The following ANK1 variants were observed in gnomAD, a reference collection of about 807,000 sequenced individuals.
ANK1 encodes ankyrin 1, also known as ankyrin-1.
A neutral mutation model predicts 210.4 loss-of-function variants in ANK1; 51 were observed. The ratio of observed to expected loss-of-function variants is 0.24; its 90% CI spans 0.19 to 0.31. The LOEUF is 0.31. Among genes scored for constraint, ANK1 ranks in the 10% least tolerant of loss-of-function variants. The probability of loss-of-function intolerance (pLI) is 1.00; values close to 1 mark genes in which losing one functional copy is unlikely to be tolerated. For missense variants in ANK1, 2,051 were observed against 2,504.4 expected (o/e 0.82, Z 3.86); for synonymous variants, 967 against 1,025.9 (o/e 0.94, Z 1.10).
intron 1 of ANK1, among the ~76,000 whole-genome samples, chr8:41,880,375 C>T (rs115321332): frequency 1.2e-3 from 187 of 152,274 alleles, no homozygotes; most frequent in African/African-American, 4.1e-3. Context: ...TAATGGAACA[C>T]GGAAGAGGGA....
At position 41,688,609 on chromosome 8, in the gene ANK1, G is replaced by A. The variant is rs776216386; in HGVS notation, c.4105-20C>T. On this transcript the variant is annotated intron_variant, in intron 33 of 42. Coordinates refer to ENST00000289734, the MANE Select transcript of ANK1 (RefSeq NM_000037.4). ...ACTTCCCTGCAGAAGAAGAAAGGGT[G>A]CTTTGGGTTTTGGACTCTCCCCACC... The A allele has an allele frequency of 6.2e-7, 1 of 1,612,308 alleles. No individual in the cohort carries two copies. The highest frequency in any genetic ancestry group is 1.3e-5 in the African/African-American group (1 of 74,874).
At position 41,708,758 on chromosome 8, in the gene ANK1, T is replaced by A. The variant is rs371053762; in HGVS notation, c.1998+20A>T. On this transcript the variant is annotated intron_variant, in intron 17 of 42. Transcript: ENST00000289734. ...TTGTTATCCAGCACTCCAGGGCAGA[T>A]CCGAAGACACCATGCCTACCTTGTT... is the stretch of plus-strand genomic sequence containing the variant. 3 of 1,612,834 alleles carry A rather than the reference T, an allele frequency of 1.9e-6. No individual in the cohort carries two copies. The highest frequency in any genetic ancestry group is 1.1e-5 in the South Asian group (1 of 91,070).
chr8:41,810,388 G>C (rs761015581), intron 1 of ANK1, among the ~76,000 whole-genome samples: 1 of 152,202 alleles, frequency 6.6e-6, no homozygotes, highest in African/African-American at 2.4e-5. Context: ...CCCCCCAAAA[G>C]AGGGAAATCT....
At chr8:41,768,568 A>C (rs1380910817) in intron 1 of ANK1, among the ~76,000 whole-genome samples, 1 of 152,152 alleles carries the variant, frequency 6.6e-6, no homozygotes, top group African/African-American at 2.4e-5. Context: ...CAAGGTCACC[A>C]CTAGTAAATG....
intron 34 of ANK1, 56 bp from the exon 35 acceptor site, chr8:41,688,286 C>G: frequency 6.3e-7 from 1 of 1,579,424 alleles, no homozygotes; most frequent in Non-Finnish European, 8.7e-7. Context: ...AGTTGACAGG[C>G]CTGAGGACAC....
intron 1 of ANK1, among the ~76,000 whole-genome samples, chr8:41,825,062 C>T (rs531001630): frequency 2.6e-5 from 4 of 152,338 alleles, no homozygotes; most frequent in East Asian, 1.9e-4. Context: ...GGCCCCTGAG[C>T]GTGGAGGCCA....
chr8:41,725,838 T>C lies in ANK1; in HGVS notation c.535A>G (p.Ile179Val). ...KGKVRLPALH[I>V]AARNDDTRTA... The stretch of plus-strand genomic sequence containing the variant: ...CGCGTGTCGTCGTTGCGGGCCGCGA[T>C]GTGCAGGGCCGGGAGGCGCACCTTC... Residue 179 changes from isoleucine (I) to valine (V), a missense_variant, in exon 6 of 43, where the codon ATC becomes GTC. Ile to Val is a conservative substitution (Grantham distance 29). Coordinates refer to ENST00000289734, the MANE Select transcript of ANK1 (RefSeq NM_000037.4). 6.2e-7 allele frequency: 1 copy of C among 1,612,098 alleles called. No individual in the cohort carries two copies. The highest frequency in any genetic ancestry group is 8.5e-7 in the Non-Finnish European group (1 of 1,179,626).
chr8:41,804,291 T>G (rs1850602025), intron 1 of ANK1, among the ~76,000 whole-genome samples: 1 of 152,132 alleles, frequency 6.6e-6, no homozygotes, highest in Admixed American at 6.6e-5. Flanking sequence ...TTTCCCAGGG[T>G]GACCCAAGAG....
At chr8:41,828,207 A>C (rs894876724) in intron 1 of ANK1, 2 of 152,414 alleles carry the variant, frequency 1.3e-5, no homozygotes, top group African/African-American at 4.8e-5. Context: ...GCTGCGAGCT[A>C]GAGGAGGAAG....
intron 2 of ANK1, among the ~76,000 whole-genome samples, chr8:41,753,776 C>T (rs911883594): frequency 6.6e-5 from 10 of 151,996 alleles, no homozygotes; most frequent in Admixed American, 4.6e-4. Flanking sequence ...TGACTCTCGC[C>T]CCTACCTGTA....
At chr8:41,893,860 A>G (rs999773691) in intron 1 of ANK1, among the ~76,000 whole-genome samples, 2 of 152,192 alleles carry the variant, frequency 1.3e-5, no homozygotes, top group Non-Finnish European at 2.9e-5. Flanking sequence ...TTCACCTTGA[A>G]AAATTATCTC....
chr8:41,849,628 C>T (rs1205260719), intron 1 of ANK1, among the ~76,000 whole-genome samples: 4 of 152,218 alleles, frequency 2.6e-5, no homozygotes, highest in Non-Finnish European at 5.9e-5. Context: ...GACAATGATC[C>T]CCTCGGATCC....
Position 41,797,361 on chromosome 8 carries a change from T to C in ANK1, c.27+151A>G. On this transcript the variant is annotated intron_variant, in intron 1 of 42. Transcript: ENST00000289734. This position sits in a 1 kb window ranked among gnomAD's most constrained non-coding sequence, Gnocchi z 4.0. ...CTGCTGCCTTCAGCTACAAGGTCGA[T>C]GTGCCGCTATGCTAAGGCAGGGAGC... 1 of 670,078 alleles carries C rather than the reference T, an allele frequency of 1.5e-6. No individual in the cohort carries two copies. The highest frequency in any genetic ancestry group is 2.8e-5 in the East Asian group (1 of 35,142). The allele number at this position is 670,078 out of a possible 1,614,324, so 41.5% of individuals were successfully genotyped here.
chr8:41,821,138 G>A (rs1182572877), intron 1 of ANK1, among the ~76,000 whole-genome samples: 1 of 152,104 alleles, frequency 6.6e-6, no homozygotes, highest in Admixed American at 6.6e-5. Context: ...GTATATTTGG[G>A]GGTGGCATAT....
At chr8:41,869,856 A>G (rs946288792) in intron 1 of ANK1, among the ~76,000 whole-genome samples, 2 of 152,192 alleles carry the variant, frequency 1.3e-5, no homozygotes, top group Non-Finnish European at 2.9e-5. Context: ...CAATATTGTT[A>G]CACATCCAAA....
chr8:41,767,665 G>A (rs546679596), intron 1 of ANK1, among the ~76,000 whole-genome samples: 2 of 152,248 alleles, frequency 1.3e-5, no homozygotes, highest in South Asian at 4.1e-4. Context: ...GGGGGTGCGC[G>A]CGGGGGCGCG....
intron 1 of ANK1, among the ~76,000 whole-genome samples, chr8:41,840,945 T>G (rs76729329): frequency 2.7e-4 from 41 of 152,312 alleles, no homozygotes; most frequent in Non-Finnish European, 4.1e-4. Context: ...ACTTATCCAC[T>G]GATGGGGAAT....
In ANK1 at chr8:41,727,936, T is replaced by C. The variant is rs1479719238; in HGVS notation, c.299A>G (p.Tyr100Cys). ...TGACTGGGCGTTGACGTTGGCTCCA[T>C]AGTTGACAAGCTCCCGGACCACCTC... The part of the protein sequence containing the change: ...QDEVVRELVN[Y>C]GANVNAQSQK... Residue 100 changes from tyrosine to cysteine, a missense_variant, in exon 4 of 43, where the codon TAT (tyrosine) becomes TGT (cysteine). Tyr to Cys is a radical substitution (Grantham distance 194). Transcript: ENST00000289734. 6.2e-7 allele frequency: 1 copy of C among 1,614,142 alleles called. No individual in the cohort carries two copies. The highest frequency in any genetic ancestry group is 1.1e-5 in the South Asian group (1 of 91,080).
At chr8:41,772,460 G>C (rs961767196) in intron 1 of ANK1, among the ~76,000 whole-genome samples, 1 of 152,086 alleles carries the variant, frequency 6.6e-6, no homozygotes, top group Admixed American at 6.6e-5. Flanking sequence ...CTCGACTAAA[G>C]CTTTTGTCAA....
Sources: gnomAD v4.1 joint callset for allele counts (sites outside exome capture counted in the v4.1 genomes callset) on GRCh38, gnomAD v4.1.1 for gene constraint, Gnocchi (gnomAD v3.1) non-coding constraint, MANE v1.5 for transcripts, NCBI Gene and HGNC (gene_info 2026-07-23, HGNC 2026-07-21) for gene names.